Variants in HTR2C observed in about 807,000 individuals in gnomAD.
HTR2C encodes the protein 5-hydroxytryptamine receptor 2C.
In HTR2C, 5 loss-of-function variants were observed where a neutral mutation model predicts 21.0. The ratio of observed to expected loss-of-function variants is 0.24; its 90% confidence interval spans 0.12 to 0.50. The LOEUF (loss-of-function observed/expected upper bound fraction) is 0.50. Ranked by LOEUF, HTR2C falls within the 20% of genes least tolerant of loss-of-function variation. The pLI is 0.98. For missense variants in HTR2C, 271 were observed against 371.2 expected (o/e 0.73, Z 2.22); for synonymous variants, 150 against 145.3 (o/e 1.03, Z -0.23).
chrX:114,779,406 C>A (rs1193516811), intron 4 of HTR2C, among the ~76,000 whole-genome samples: 1 of 33,746 alleles, frequency 3.0e-5, no homozygotes, highest in African/African-American at 1.0e-4. Flanking sequence ...CCATTACAAC[C>A]ACAGAATATG....
chrX:114,721,758 C>T (rs1401542876), intron 2 of HTR2C, among the ~76,000 whole-genome samples: 11 of 110,922 alleles, frequency 9.9e-5, no homozygotes, highest in South Asian at 3.9e-4. Flanking sequence ...TTCCCAGCAC[C>T]GTTTATTAAA....
chrX:114,703,164 T>C (rs782679530), intron 2 of HTR2C, among the ~76,000 whole-genome samples: 11 of 107,413 alleles, frequency 1.0e-4, no homozygotes, highest in Non-Finnish European at 1.3e-4. Context: ...GACAGAAAGT[T>C]AACAAGGATA....
intron 2 of HTR2C, among the ~76,000 whole-genome samples, chrX:114,633,581 T>A (rs1252469166): frequency 1.8e-5 from 2 of 111,471 alleles, no homozygotes; most frequent in Admixed American, 9.6e-5. Context: ...ACCTCTAATT[T>A]AGCAATATTA....
chrX:114,728,525 T>C (rs1201002358), intron 3 of HTR2C, among the ~76,000 whole-genome samples: 1 of 111,401 alleles, frequency 9.0e-6, no homozygotes, highest in Admixed American at 9.6e-5. Context: ...CAATAAAAAT[T>C]TATTAAACTG....
chrX:114,616,585 C>CCATCTGTGGCT (rs376113211), intron 2 of HTR2C, among the ~76,000 whole-genome samples: 20,344 of 111,180 alleles, frequency 0.18, 1,372 homozygotes, highest in South Asian at 0.31. Flanking sequence ...CCGCGCCCAG[C>CCATCTGTGGCT]ATTTTAAGCT....
intron 2 of HTR2C, among the ~76,000 whole-genome samples, chrX:114,707,084 C>T (rs1353365610): frequency 9.0e-6 from 1 of 111,614 alleles, no homozygotes; most frequent in African/African-American, 3.3e-5. Flanking sequence ...TCAATGACTA[C>T]AAGCCAGCCA....
intron 2 of HTR2C, among the ~76,000 whole-genome samples, chrX:114,703,707 A>T (rs1932645868): frequency 9.0e-6 from 1 of 110,955 alleles, no homozygotes; most frequent in Non-Finnish European, 1.9e-5. Flanking sequence ...AAATAACTTA[A>T]ATCAGAGCAG....
chrX:114,805,935 T>TAC (rs2070418150), intron 4 of HTR2C, among the ~76,000 whole-genome samples: 4 of 46,602 alleles, frequency 8.6e-5, no homozygotes, highest in Admixed American at 3.6e-4. Flanking sequence ...ACACCATATA[T>TAC]ATACCATATA....
At chrX:114,631,085 C>T (rs1457637226) in intron 2 of HTR2C, among the ~76,000 whole-genome samples, 1 of 111,569 alleles carries the variant, frequency 9.0e-6, no homozygotes, top group African/African-American at 3.3e-5. Context: ...GCAGGCAGAT[C>T]ACAAGGTCAA....
intron 2 of HTR2C, among the ~76,000 whole-genome samples, chrX:114,692,570 C>T (rs1932138958): frequency 9.1e-6 from 1 of 110,443 alleles, no homozygotes; most frequent in Non-Finnish European, 1.9e-5. Flanking sequence ...TATATATATT[C>T]TTTACATTTT....
At chrX:114,905,903 T>C (rs2071368533) in intron 5 of HTR2C, among the ~76,000 whole-genome samples, 1 of 111,326 alleles carries the variant, frequency 9.0e-6, no homozygotes, top group African/African-American at 3.3e-5. Flanking sequence ...ATGCTCAAAA[T>C]TCCACACAGA....
At chrX:114,880,186 A>G (rs1556479573) in intron 5 of HTR2C, among the ~76,000 whole-genome samples, 1 of 110,399 alleles carries the variant, frequency 9.1e-6, no homozygotes. Flanking sequence ...AAATTTAAAA[A>G]TATATTTATT....
intron 5 of HTR2C, among the ~76,000 whole-genome samples, chrX:114,896,415 C>A (rs781856078): frequency 1.8e-5 from 2 of 111,841 alleles, no homozygotes; most frequent in Non-Finnish European, 3.8e-5. Context: ...TCATTACTTT[C>A]TTTTTCAAAC....
intron 4 of HTR2C, among the ~76,000 whole-genome samples, chrX:114,756,051 C>T (rs911107893): frequency 1.0e-4 from 11 of 110,317 alleles, no homozygotes; most frequent in South Asian, 3.9e-4. Flanking sequence ...TTTAAGATTA[C>T]AGTGAAGGGA....
At chrX:114,604,302 C>T (rs1456834875) in intron 1 of HTR2C, among the ~76,000 whole-genome samples, 1 of 109,799 alleles carries the variant, frequency 9.1e-6, no homozygotes, top group Non-Finnish European at 1.9e-5. Context: ...GTGGGGATAA[C>T]TAAAAAGGAG....
chrX:114,778,207 G>T lies in HTR2C; in HGVS notation c.349+46600G>T, dbSNP rs1273609492. Reference sequence around the variant, plus strand: ...TGTAGTGAAGTAGAACTTGAGTTTTGGTATCACATGAACATAAGTTTAAAT... The same window carrying T: ...TGTAGTGAAGTAGAACTTGAGTTTTTGTATCACATGAACATAAGTTTAAAT... On this transcript the variant is annotated intron_variant, in intron 4 of 5. Coordinates refer to ENST00000276198, the MANE Select transcript of HTR2C (RefSeq NM_000868.4). 9.9e-5 allele frequency among the ~76,000 whole-genome samples: 11 copies of T among 110,692 alleles called. No individual in the cohort carries two copies. The Admixed American group carries it at 1.1e-3, about 11-fold the overall frequency.
chrX:114,638,116 G>A (rs1323834167), intron 2 of HTR2C, among the ~76,000 whole-genome samples: 5 of 111,406 alleles, frequency 4.5e-5, no homozygotes, highest in African/African-American at 9.8e-5. Context: ...AGAATGCTTC[G>A]CTGATTTTTC....
intron 4 of HTR2C, among the ~76,000 whole-genome samples, chrX:114,750,792 T>C (rs2069753987): frequency 8.9e-6 from 1 of 112,203 alleles, no homozygotes; most frequent in Non-Finnish European, 1.9e-5. Flanking sequence ...AAAGAAGATA[T>C]TTCCCTCTTT....
intron 4 of HTR2C, among the ~76,000 whole-genome samples, chrX:114,788,850 T>C (rs2070203980): frequency 9.0e-6 from 1 of 111,033 alleles, no homozygotes; most frequent in South Asian, 3.8e-4. Flanking sequence ...GGTTTTGCCA[T>C]GTTGCTCAGG....
Sources: allele counts gnomAD v4.1 joint callset (sites outside exome capture counted in the v4.1 genomes callset), GRCh38; gene constraint gnomAD v4.1.1; transcripts MANE v1.5; gene names NCBI Gene and HGNC (gene_info 2026-07-23, HGNC 2026-07-21).